Variants in ADAM2 observed in about 807,000 individuals in gnomAD.
ADAM2 encodes disintegrin and metalloproteinase domain-containing protein 2.
Under a neutral mutation model 99.3 loss-of-function variants are expected in ADAM2, and 101 were observed. The observed-to-expected ratio is 1.02, with a 90% CI of 0.87 to 1.20. The LOEUF is 1.20. Among genes scored for constraint, ADAM2 ranks in the 50% most tolerant of loss-of-function variants. The pLI is 0.00. For synonymous variants in ADAM2, 323 were observed against 287.6 expected, an observed-to-expected ratio of 1.12 and a Z score of -1.25; for missense variants, 948 against 878.7, an observed-to-expected ratio of 1.08 and a Z score of -1.00.
chr8:39,833,281 TAA>T (rs756568707), intron 3 of ADAM2, among the ~76,000 whole-genome samples: 40 of 152,272 alleles, frequency 2.6e-4, no homozygotes, highest in African/African-American at 9.6e-4. Context: ...TTATGATGTA[TAA>T]AAAGAGTGCA....
intron 7 of ADAM2, among the ~76,000 whole-genome samples, chr8:39,806,740 T>C (rs1804458031): frequency 6.6e-6 from 1 of 152,058 alleles, no homozygotes; most frequent in Non-Finnish European, 1.5e-5. Context: ...AAGTTGAAGA[T>C]TTGGAGATTT....
chr8:39,788,281 C>A, intron 8 of ADAM2, 30 bp from the exon 9 acceptor site: 2 of 1,370,564 alleles, frequency 1.5e-6, no homozygotes, highest in South Asian at 1.6e-5. Flanking sequence ...AAAGTGTGCT[C>A]AAAAGTCACA....
intron 19 of ADAM2, among the ~76,000 whole-genome samples, chr8:39,745,412 T>C (rs889717460): frequency 1.6e-4 from 24 of 152,114 alleles, no homozygotes; most frequent in African/African-American, 4.8e-4. Context: ...TACATTGTCA[T>C]TTTAAGTATT....
chr8:39,833,172 CT>C (rs534271867), intron 3 of ADAM2, among the ~76,000 whole-genome samples: 169 of 151,950 alleles, frequency 1.1e-3, no homozygotes, highest in Non-Finnish European at 2.1e-3. Flanking sequence ...GAAGGCAGCA[CT>C]TTTTTTCTTC....
At chr8:39,788,605 A>C in intron 8 of ADAM2, 64 bp downstream of exon 8, 1 of 1,136,532 alleles carries the variant, frequency 8.8e-7, no homozygotes, top group Non-Finnish European at 1.3e-6. Flanking sequence ...TAGTGTCATA[A>C]TGAGGTGTAG....
intron 6 of ADAM2, among the ~76,000 whole-genome samples, chr8:39,811,649 G>T (rs1222421937): frequency 6.6e-6 from 1 of 152,048 alleles, no homozygotes; most frequent in African/African-American, 2.4e-5. Context: ...ACGTAATCCA[G>T]CATATAAACA....
chr8:39,753,931 C>G lies in ADAM2; in HGVS notation c.1797+1797G>C, dbSNP rs142712599. 2.8e-3 allele frequency among the ~76,000 whole-genome samples: 423 copies of G among 152,178 alleles called. 2 individuals carry two copies. The highest frequency in any genetic ancestry group is 4.8e-3 in the Non-Finnish European group (326 of 68,012). ...CTTGCCCAGTGTTTGTAGAATGGCT[C>G]TATTCTGTGAAAGTTCTTTACTAAT... On this transcript the variant is annotated intron_variant, in intron 16 of 20. Coordinates refer to ENST00000265708, the MANE Select transcript of ADAM2 (RefSeq NM_001464.5).
intron 17 of ADAM2, 60 bp from the exon 18 acceptor site, chr8:39,749,510 T>C (rs931842575): frequency 1.3e-6 from 2 of 1,554,166 alleles, no homozygotes; most frequent in Non-Finnish European, 1.8e-6. Flanking sequence ...TATGTTCAAG[T>C]AGAATTATAA....
chr8:39,769,436 C>T lies in ADAM2; in HGVS notation c.1168G>A (p.Ala390Thr). The T allele has an allele frequency of 2.5e-6, 4 of 1,614,054 alleles. No individual in the cohort carries two copies. Among genetic ancestry groups the T allele is most frequent in the Non-Finnish European group, 3.4e-6 (4 of 1,179,950 alleles). ...CACTCCTCTCCTGCTTCCAGCTTTG[C>T]ATTACCACACACTGCTTGCTGTTTG... ...FFKQQAVCGN[A>T]KLEAGEECDC... is the part of the protein sequence containing the mutation. Residue 390 changes from alanine (A) to threonine (T), a missense_variant, in exon 12 of 21, where the codon GCA becomes ACA. Physicochemically the swap from Ala to Thr is moderately conservative, Grantham distance 58. Transcript: ENST00000265708.
chr8:39,763,873 G>A (rs111754878), intron 14 of ADAM2, among the ~76,000 whole-genome samples: 3 of 152,120 alleles, frequency 2.0e-5, no homozygotes, highest in African/African-American at 7.3e-5. Flanking sequence ...GATTTCAGTT[G>A]AGGCAAACAA....
chr8:39,746,935 A>G (rs1280728484), intron 18 of ADAM2, among the ~76,000 whole-genome samples: 1 of 152,136 alleles, frequency 6.6e-6, no homozygotes, highest in African/African-American at 2.4e-5. Flanking sequence ...TGAATTTGGC[A>G]TCAGGATTAT....
Position 39,769,517 on chromosome 8 carries a change from T to C in ADAM2, c.1087A>G (p.Ile363Val), listed in dbSNP as rs1457264859. ...AGACACTGGGACTTCTGCTTTGAAATAAAATGTGCAAAGTCTTCGAAGCTG... is the reference window on the plus strand; with the variant it reads ...AGACACTGGGACTTCTGCTTTGAAACAAAATGTGCAAAGTCTTCGAAGCTG... The part of the protein sequence containing the change: ...NCSFEDFAHF[I>V]SKQKSQCLHN... The change falls in exon 12 of 21, where the codon ATT becomes GTT. Residue 363 changes from isoleucine to valine, a missense_variant. Coordinates refer to ENST00000265708, the MANE Select transcript of ADAM2 (RefSeq NM_001464.5). 2 of 1,613,764 alleles carry C rather than the reference T, an allele frequency of 1.2e-6. No individual in the cohort carries two copies. The highest frequency in any genetic ancestry group is 1.7e-6 in the Non-Finnish European group (2 of 1,179,750).
At chr8:39,767,345 C>T (rs1054115848) in intron 12 of ADAM2, 94 bp from the exon 13 acceptor site, 97 of 1,049,942 alleles carry the variant, frequency 9.2e-5, no homozygotes, top group Non-Finnish European at 8.9e-5. Context: ...ATAACATACA[C>T]ATAGGTGCTT....
intron 9 of ADAM2, among the ~76,000 whole-genome samples, chr8:39,787,531 ACTCT>A (rs3035050): frequency 6.1e-5 from 8 of 131,788 alleles, no homozygotes; most frequent in African/African-American, 1.6e-4. Context: ...AATCTTAAAA[ACTCT>A]CTCTCTCTAT....
chr8:39,786,810 G>T (rs1172857457), intron 10 of ADAM2, among the ~76,000 whole-genome samples, 164 bp downstream of exon 10: 1 of 152,022 alleles, frequency 6.6e-6, no homozygotes, highest in Non-Finnish European at 1.5e-5. Flanking sequence ...TTTATACATA[G>T]TGAATTGAAT....
chr8:39,775,422 A>G (rs1050598546), intron 11 of ADAM2, among the ~76,000 whole-genome samples: 3 of 152,042 alleles, frequency 2.0e-5, no homozygotes, highest in Admixed American at 2.0e-4. Flanking sequence ...TATCCAAGCT[A>G]TTTGCCACAG....
chr8:39,808,913 C>G (rs1246114301), intron 7 of ADAM2, among the ~76,000 whole-genome samples: 1 of 151,902 alleles, frequency 6.6e-6, no homozygotes, highest in African/African-American at 2.4e-5. Context: ...GAGACTCCAT[C>G]ACAAAAAATA....
In ADAM2 at chr8:39,806,981, GA is replaced by G. The variant is rs1409047423; in HGVS notation, c.570+2428del. ...AATGAGCGCTAATAATAGAGAAGAG[GA>G]AAAGATACCCTGAAGGTGATTCAGA... On this transcript the variant is annotated intron_variant, in intron 7 of 20. Coordinates refer to ENST00000265708, the MANE Select transcript of ADAM2 (RefSeq NM_001464.5). 2.0e-5 allele frequency among the ~76,000 whole-genome samples: 3 copies of G among 151,352 alleles called. No individual in the cohort carries two copies. In the East Asian group the frequency reaches 5.8e-4, roughly 29 times the overall value.
chr8:39,802,158 C>A (rs1271765033), intron 7 of ADAM2, among the ~76,000 whole-genome samples: 1 of 152,170 alleles, frequency 6.6e-6, no homozygotes, highest in South Asian at 2.1e-4. Context: ...TTTCACAGTT[C>A]CGTGGGAAAA....
Sources: allele counts gnomAD v4.1 joint callset (sites outside exome capture counted in the v4.1 genomes callset), GRCh38; gene constraint gnomAD v4.1.1; transcripts MANE v1.5; gene names NCBI Gene and HGNC (gene_info 2026-07-23, HGNC 2026-07-21).